ENPP5: variants seen among roughly 807,000 people sequenced by gnomAD.
ENPP5 encodes the protein ectonucleotide pyrophosphatase/phosphodiesterase family member 5, also known as E-NPP 5.
A neutral mutation model predicts 33.7 loss-of-function variants in ENPP5; 27 were observed. The ratio of observed to expected loss-of-function variants is 0.80; its 90% CI spans 0.59 to 1.11. The LOEUF (loss-of-function observed/expected upper bound fraction) is 1.11. Ranked by LOEUF, ENPP5 falls within the 50% of genes least tolerant of loss-of-function variation. The probability of loss-of-function intolerance (pLI) is 0.00; values close to 1 mark genes in which losing one functional copy is unlikely to be tolerated. For synonymous variants in ENPP5, 199 were observed against 200.5 expected (o/e 0.99, Z 0.06); for missense variants, 552 against 579.2 (o/e 0.95, Z 0.48).
At chr6:46,169,862 C>T (rs1019208503) in intron 2 of ENPP5, among the ~76,000 whole-genome samples, 191 bp downstream of exon 2, 2 of 152,186 alleles carry the variant, frequency 1.3e-5, no homozygotes, top group Admixed American at 6.5e-5. Context: ...TGGTTTTAAA[C>T]TGTGTTTTCA....
chr6:46,161,372 A>G lies in ENPP5; in HGVS notation c.1388T>C (p.Leu463Ser). 1 of 1,613,700 alleles carries G rather than the reference A, an allele frequency of 6.2e-7. No individual in the cohort carries two copies. Among genetic ancestry groups the G allele is most frequent in the Non-Finnish European group, 8.5e-7 (1 of 1,179,714 alleles). Reference sequence around the variant, plus strand: ...AGCTATTTCAGCATGCATATCTTGTAAGGCAGGTATTTGACTGTGAATTAA... The same window carrying G: ...AGCTATTTCAGCATGCATATCTTGTGAGGCAGGTATTTGACTGTGAATTAA... ...KHLIHSQIPA[L>S]QDMHAEIAQP... is the part of the protein sequence containing the mutation. Residue 463 changes from leucine (L) to serine (S), a missense_variant, in exon 5 of 5, where the codon TTA becomes TCA. Coordinates refer to ENST00000371383, the MANE Select transcript of ENPP5 (RefSeq NM_001290072.2).
In ENPP5 at chr6:46,167,657, CGGACTGTCA is replaced by C. The variant is rs1562071195; in HGVS notation, c.597_605del (p.Asp200_Pro202del). 6 of 1,614,070 alleles carry C rather than the reference CGGACTGTCA, an allele frequency of 3.7e-6. No individual in the cohort carries two copies. The South Asian group carries it at 6.6e-5, about 18-fold the overall frequency. ...TATCTGAAATGACAGGCCCCATGAGCGGACTGTCAGGTCCCAAATGGTGGCCCATGTCAT... is the reference window on the plus strand; with the variant it reads ...TATCTGAAATGACAGGCCCCATGAGCGGTCCCAAATGGTGGCCCATGTCAT... On this transcript the variant is annotated inframe_deletion, in exon 3 of 5. Coordinates refer to ENST00000371383, the MANE Select transcript of ENPP5 (RefSeq NM_001290072.2).
intron 2 of ENPP5, among the ~76,000 whole-genome samples, chr6:46,168,507 A>C (rs1562072385): frequency 6.6e-6 from 1 of 152,200 alleles, no homozygotes; most frequent in East Asian, 1.9e-4. Context: ...CAACTTTTTC[A>C]CTTCTGAGAA....
In ENPP5 at chr6:46,160,995, T is replaced by G; in HGVS notation, c.*331A>C. The G allele has an allele frequency of 4.7e-6, 1 of 212,564 alleles. No individual in the cohort carries two copies. Among genetic ancestry groups the G allele is most frequent in the East Asian group, 1.0e-4 (1 of 9,828 alleles). 13.2% of individuals were successfully genotyped at this position (212,564 alleles called of 1,614,324 possible). A position where few individuals can be genotyped will look rare whatever the true frequency, so the allele number is the denominator to read the frequency against. On this transcript the variant is annotated 3_prime_UTR_variant, in exon 5 of 5. Transcript: ENST00000371383. ...TTAAAGTACCCATCAGGAGAGAAAT[T>G]TAAAGTGCAATACATAAGGTACTTT...
intron 4 of ENPP5, 58 bp downstream of exon 4, chr6:46,165,329 C>A: frequency 1.5e-6 from 2 of 1,300,162 alleles, no homozygotes; most frequent in Non-Finnish European, 2.1e-6. Context: ...TGTATTTAAA[C>A]TGTTGTATTT....
chr6:46,169,048 GT>G (rs1054008372), intron 2 of ENPP5, among the ~76,000 whole-genome samples: 1 of 152,072 alleles, frequency 6.6e-6, no homozygotes, highest in East Asian at 1.9e-4. Flanking sequence ...GTTAAAATTT[GT>G]CAAAATTTAA....
chr6:46,166,466 T>TTTG (rs1201628969), intron 3 of ENPP5, among the ~76,000 whole-genome samples: 1 of 150,500 alleles, frequency 6.6e-6, no homozygotes, highest in Non-Finnish European at 1.5e-5. Flanking sequence ...TTTTTTTTTT[T>TTTG]TAGCAACAGA....
chr6:46,161,048 C>T lies in ENPP5; in HGVS notation c.*278G>A, dbSNP rs2127496052. 1 of 384,556 alleles carries T rather than the reference C, an allele frequency of 2.6e-6. No homozygotes were observed. The highest frequency in any genetic ancestry group is 7.4e-4 in the Middle Eastern group (1 of 1,346). The allele number at this position is 384,556 out of a possible 1,614,324, so 23.8% of individuals were successfully genotyped here. ...ATAGTGCAAAGTTGCTAAATATATA[C>T]ATTATCTGCGCCAAGTCCAAATAAA... is the stretch of plus-strand genomic sequence containing the variant. On this transcript the variant is annotated 3_prime_UTR_variant, in exon 5 of 5. Transcript: ENST00000371383.
At chr6:46,165,794 GAC>G in intron 3 of ENPP5, among the ~76,000 whole-genome samples, 1 of 152,288 alleles carries the variant, frequency 6.6e-6, no homozygotes, top group South Asian at 2.1e-4. Flanking sequence ...AACCTCTAAA[GAC>G]TTCAATACAC....
rs1257140742 is a variant in ENPP5, at chr6:46,167,466, T to A, written c.797A>T (p.Gln266Leu). ...LDKDHYTLIDQSPVAAILPKE... is the reference protein window; with the variant it reads ...LDKDHYTLIDLSPVAAILPKE... ...TGGCAAGATGGCTGCTACTGGAGAT[T>A]GATCAATCAGGGTATAGTGGTCTTT... Residue 266 changes from glutamine (Q) to leucine (L), a missense_variant, in exon 3 of 5, where the codon CAA becomes CTA. Gln to Leu is a moderately radical substitution (Grantham distance 113). Coordinates refer to ENST00000371383, the MANE Select transcript of ENPP5 (RefSeq NM_001290072.2). 9 of 1,609,298 alleles carry A rather than the reference T, an allele frequency of 5.6e-6. No homozygotes were observed. In the Admixed American group the frequency reaches 1.5e-4, roughly 27 times the overall value.
intron 3 of ENPP5, among the ~76,000 whole-genome samples, chr6:46,166,671 T>A (rs571618067): frequency 9.4e-6 from 1 of 106,700 alleles, no homozygotes; most frequent in Admixed American, 9.3e-5. Context: ...CTGTTTCATA[T>A]GATTCTAATT....
intron 4 of ENPP5, 119 bp downstream of exon 4, chr6:46,165,268 A>T: frequency 1.3e-6 from 1 of 759,784 alleles, no homozygotes; most frequent in Non-Finnish European, 2.0e-6. Context: ...GTAGTTCCTT[A>T]ATATTCAAGT....
At position 46,161,358 on chromosome 6, in the gene ENPP5, C is replaced by T; in HGVS notation, c.1402G>A (p.Ala468Thr). 1 of 1,613,252 alleles carries T rather than the reference C, an allele frequency of 6.2e-7. No individual in the cohort carries two copies. Among genetic ancestry groups the T allele is most frequent in the Non-Finnish European group, 8.5e-7 (1 of 1,179,564 alleles). Residue 468 changes from alanine to threonine, a missense_variant, in exon 5 of 5, where the codon GCT (alanine) becomes ACT (threonine). Coordinates refer to ENST00000371383, the MANE Select transcript of ENPP5 (RefSeq NM_001290072.2). ...TGTAATAATGGTTGAGCTATTTCAGCATGCATATCTTGTAAGGCAGGTATT... is the reference window on the plus strand; with the variant it reads ...TGTAATAATGGTTGAGCTATTTCAGTATGCATATCTTGTAAGGCAGGTATT... ...SQIPALQDMH[A>T]EIAQPLLQA
chr6:46,167,862 C>T lies in ENPP5; in HGVS notation c.401G>A (p.Ser134Asn). 3 of 1,614,212 alleles carry T rather than the reference C, an allele frequency of 1.9e-6. No individual in the cohort carries two copies. Among genetic ancestry groups the T allele is most frequent in the East Asian group, 2.2e-5 (1 of 44,888 alleles). Residue 134 changes from serine (S) to asparagine (N), a missense_variant, in exon 3 of 5, where the codon AGT becomes AAT. Ser to Asn is a conservative substitution (Grantham distance 46). Coordinates refer to ENST00000371383, the MANE Select transcript of ENPP5 (RefSeq NM_001290072.2). ...TGTTCCGGGCCACATGGCTGCACCA[C>T]TAGTATGTCCTGCCCTCTGGTTTGT... The part of the protein sequence containing the change: ...WITNQRAGHT[S>N]GAAMWPGTDV...
At position 46,170,879 on chromosome 6, in the gene ENPP5, G is replaced by C. The variant is rs1409283334; in HGVS notation, c.-169C>G. The C allele has an allele frequency of 6.6e-6, 1 of 152,424 alleles. No homozygotes were observed. The highest frequency in any genetic ancestry group is 6.5e-5 in the Admixed American group (1 of 15,284). 9.4% of individuals were successfully genotyped at this position (152,424 alleles called of 1,614,324 possible). A position where few individuals can be genotyped will look rare whatever the true frequency, so the allele number is the denominator to read the frequency against. On this transcript the variant is annotated 5_prime_UTR_variant, in exon 1 of 5. Transcript: ENST00000371383. Reference sequence around the variant, plus strand: ...GGAGGGTCTGGAGGAGACTCCCTCGGGCGCGCCGCGGGTAACGGCGGGAGG... The same window carrying C: ...GGAGGGTCTGGAGGAGACTCCCTCGCGCGCGCCGCGGGTAACGGCGGGAGG...
At chr6:46,169,701 A>G (rs1245663564) in intron 2 of ENPP5, among the ~76,000 whole-genome samples, 2 of 152,180 alleles carry the variant, frequency 1.3e-5, no homozygotes, top group Non-Finnish European at 2.9e-5. Flanking sequence ...GCCTGAAGAC[A>G]TTTTTAAACT....
At chr6:46,169,952 C>T (rs1033628227) in intron 2 of ENPP5, 101 bp downstream of exon 2, 1 of 152,004 alleles carries the variant, frequency 6.6e-6, no homozygotes, top group Non-Finnish European at 1.5e-5. Context: ...TATTTAAAAA[C>T]GATTTCTTGG....
Position 46,159,810 on chromosome 6 carries a change from T to C in ENPP5, c.*1516A>G, listed in dbSNP as rs1299985220. ...ACTCATTAGCCAATTGGTACATATATATACATGAAATCACAGTACTATCCA... is the reference window on the plus strand; with the variant it reads ...ACTCATTAGCCAATTGGTACATATACATACATGAAATCACAGTACTATCCA... On this transcript the variant is annotated 3_prime_UTR_variant, in exon 5 of 5. Coordinates refer to ENST00000371383, the MANE Select transcript of ENPP5 (RefSeq NM_001290072.2). 1 of 152,228 alleles carries C rather than the reference T, an allele frequency of 6.6e-6. No individual in the cohort carries two copies. The highest frequency in any genetic ancestry group is 2.4e-5 in the African/African-American group (1 of 41,458). The allele number at this position is 152,228 out of a possible 1,614,324, so 9.4% of individuals were successfully genotyped here. A position where few individuals can be genotyped will look rare whatever the true frequency, so the allele number is the denominator to read the frequency against.
At chr6:46,165,213 G>T in intron 4 of ENPP5, 174 bp downstream of exon 4, 3 of 511,320 alleles carry the variant, frequency 5.9e-6, no homozygotes, top group Non-Finnish European at 6.7e-6. Context: ...ACATATCAAG[G>T]ACCAATATCT....
Sources: gnomAD v4.1 joint callset for allele counts (sites outside exome capture counted in the v4.1 genomes callset) on GRCh38, gnomAD v4.1.1 for gene constraint, MANE v1.5 for transcripts, NCBI Gene and HGNC (gene_info 2026-07-23, HGNC 2026-07-21) for gene names.